Variants in HABP2 observed in about 807,000 individuals in gnomAD.
HABP2 encodes hyaluronan binding protein 2, also known as factor VII-activating protease.
A neutral mutation model predicts 66.5 loss-of-function variants in HABP2; 65 were observed. The observed-to-expected ratio is 0.98, with a 90% confidence interval of 0.80 to 1.20. The LOEUF is 1.20. HABP2 is among the 50% of genes most tolerant of loss of function. HABP2 has a pLI of 0.00. For missense variants in HABP2, 786 were observed against 691.0 expected, an observed-to-expected ratio of 1.14 and a Z score of -1.54; for synonymous variants, 263 against 253.9, an observed-to-expected ratio of 1.04 and a Z score of -0.34.
intron 2 of HABP2, chr10:113,572,757 T>G (rs1361094161): frequency 4.5e-6 from 2 of 447,956 alleles, no homozygotes; most frequent in Admixed American, 4.9e-5. Flanking sequence ...AGCATTTTCA[T>G]AGTGGGGAAA....
At position 113,567,313 on chromosome 10, in the gene HABP2, G is replaced by C. The variant is rs528406696; in HGVS notation, c.70-176G>C. 3.3e-5 allele frequency among the ~76,000 whole-genome samples: 5 copies of C among 152,184 alleles called. No individual in the cohort carries two copies. The South Asian group carries it at 1.0e-3, about 32-fold the overall frequency. On this transcript the variant is annotated intron_variant, in intron 1 of 12. Transcript: ENST00000351270. ...GCGCACAGGTGGTGGTGGTGGAGGG[G>C]GTGTATCTTCAAATAGACCCCATTG... is the stretch of plus-strand genomic sequence containing the variant.
rs769768523 is a variant in HABP2, at chr10:113,582,114, T to C, written c.1077T>C (p.Thr359=). Residue 359 remains threonine, a synonymous_variant, in exon 9 of 13, where the codon ACT becomes ACC. Coordinates refer to ENST00000351270, the MANE Select transcript of HABP2 (RefSeq NM_004132.5). The part of the protein sequence containing the change: ...GALIHPCWVL[T]AAHCTDIKTR... ...TGATCCACCCCTGCTGGGTGCTCAC[T>C]GCTGCCCACTGCACCGAGTAGGTGC... 2.5e-6 allele frequency: 4 copies of C among 1,607,128 alleles called. No homozygotes were observed. The highest frequency in any genetic ancestry group is 1.3e-5 in the African/African-American group (1 of 75,058).
intron 1 of HABP2, among the ~76,000 whole-genome samples, chr10:113,562,898 T>A (rs530905294): frequency 2.5e-4 from 38 of 152,322 alleles, no homozygotes; most frequent in African/African-American, 8.4e-4. Context: ...TCCTGGTCCC[T>A]CACAATGGTG....
intron 7 of HABP2, among the ~76,000 whole-genome samples, chr10:113,580,158 C>G (rs1420304427): frequency 7.1e-6 from 1 of 141,698 alleles, no homozygotes; most frequent in Non-Finnish European, 1.5e-5. Flanking sequence ...GTGGAGCTGT[C>G]TTCGGGGGCG....
intron 2 of HABP2, chr10:113,572,730 AG>A: frequency 2.2e-6 from 1 of 453,678 alleles, no homozygotes; most frequent in South Asian, 1.6e-5. Flanking sequence ...AGCCCTAAAA[AG>A]GTGGCCTCCC....
chr10:113,585,862 A>C lies in HABP2; in HGVS notation c.1442A>C (p.Gln481Pro), dbSNP rs772105947. The change falls in exon 12 of 13, where the codon CAA becomes CCA. Residue 481 changes from glutamine to proline, a missense_variant. Transcript: ENST00000351270. ...LIANTLCNSR[Q>P]LYDHMIDDSM... ...GCCAACACTTTGTGCAACTCCCGCC[A>C]ACTCTATGACCACATGATTGATGAC... 1 of 1,613,758 alleles carries C rather than the reference A, an allele frequency of 6.2e-7. No homozygotes were observed. The highest frequency in any genetic ancestry group is 1.1e-5 in the South Asian group (1 of 91,078).
rs374057464 is a variant in HABP2, at chr10:113,589,544, C to T, written c.*1175C>T. 1.2e-5 allele frequency: 14 copies of T among 1,205,494 alleles called. No homozygotes were observed. Among genetic ancestry groups the T allele is most frequent in the Non-Finnish European group, 1.6e-5 (14 of 862,886 alleles). 74.7% of individuals were successfully genotyped at this position (1,205,494 alleles called of 1,614,324 possible). ...GAAATTAGGCGCCTTGTTTGAGCTGCGTTTCACACTTCTTTAGAGCTAGCT... is the reference window on the plus strand; with the variant it reads ...GAAATTAGGCGCCTTGTTTGAGCTGTGTTTCACACTTCTTTAGAGCTAGCT... On this transcript the variant is annotated 3_prime_UTR_variant, in exon 13 of 13. Coordinates refer to ENST00000351270, the MANE Select transcript of HABP2 (RefSeq NM_004132.5).
At chr10:113,556,858 T>G (rs1158686524) in intron 1 of HABP2, among the ~76,000 whole-genome samples, 7 of 144,968 alleles carry the variant, frequency 4.8e-5, no homozygotes, top group African/African-American at 1.8e-4. Flanking sequence ...TGCACAAAGC[T>G]GGTGTTGAAC....
At chr10:113,585,497 G>C (rs1294213192) in intron 11 of HABP2, among the ~76,000 whole-genome samples, 1 of 152,136 alleles carries the variant, frequency 6.6e-6, no homozygotes, top group Non-Finnish European at 1.5e-5. Context: ...GTTAGGCCTT[G>C]GGAATTTTAA....
intron 3 of HABP2, among the ~76,000 whole-genome samples, chr10:113,575,016 C>T (rs1233260722): frequency 1.2e-5 from 1 of 85,984 alleles, no homozygotes; most frequent in Non-Finnish European, 2.3e-5. Flanking sequence ...GGCTTCTTAA[C>T]CCAAGCAGTG....
In HABP2 at chr10:113,589,117, TCCCCCA is replaced by T. The variant is rs746697391; in HGVS notation, c.*756_*761del. The T allele has an allele frequency of 8.3e-6, 13 of 1,562,690 alleles. No homozygotes were observed. The highest frequency in any genetic ancestry group is 1.1e-5 in the Non-Finnish European group (13 of 1,136,668). ...AACATACCCCAAGTTAAAATGAAGCTCCCCCACCCCCACTCCCGGCCCCGGTTCCCA... is the reference window on the plus strand; with the variant it reads ...AACATACCCCAAGTTAAAATGAAGCTCCCCCACTCCCGGCCCCGGTTCCCA... On this transcript the variant is annotated 3_prime_UTR_variant, in exon 13 of 13. Transcript: ENST00000351270.
chr10:113,564,713 A>T (rs1329381140), intron 1 of HABP2, among the ~76,000 whole-genome samples: 1 of 152,244 alleles, frequency 6.6e-6, no homozygotes, highest in African/African-American at 2.4e-5. Flanking sequence ...ATCCAGATAG[A>T]TGCCACAATT....
chr10:113,582,543 C>T lies in HABP2; in HGVS notation c.1094+412C>T, dbSNP rs550510030. 1.8e-4 allele frequency among the ~76,000 whole-genome samples: 28 copies of T among 152,152 alleles called. No homozygotes were observed. In the South Asian group the frequency reaches 5.4e-3, roughly 29 times the overall value. ...ATCCCGGGATTCTTCCTTTACCTTG[C>T]CTGAAGTTGTATGGAAAGTTAAGTG... On this transcript the variant is annotated intron_variant, in intron 9 of 12. Transcript: ENST00000351270.
Position 113,584,111 on chromosome 10 carries a change from GA to G in HABP2, c.1238-36del, listed in dbSNP as rs1406654101. ...GCTGGTGCTTCTCTGACAAAGAGGTGACATCGCATCCATTTTCTACCTCTCT... is the reference window on the plus strand; with the variant it reads ...GCTGGTGCTTCTCTGACAAAGAGGTGCATCGCATCCATTTTCTACCTCTCT... On this transcript the variant is annotated intron_variant, in intron 10 of 12. Coordinates refer to ENST00000351270, the MANE Select transcript of HABP2 (RefSeq NM_004132.5). 20 of 1,603,430 alleles carry G rather than the reference GA, an allele frequency of 1.2e-5. No homozygotes were observed. The African/African-American group carries it at 2.7e-4, about 21-fold the overall frequency.
intron 5 of HABP2, 114 bp from the exon 6 acceptor site, chr10:113,577,912 T>C: frequency 8.2e-7 from 1 of 1,222,308 alleles, no homozygotes; most frequent in Non-Finnish European, 1.2e-6. Context: ...TGGTGACCCA[T>C]CTTTCGCGAA....
intron 7 of HABP2, 102 bp from the exon 8 acceptor site, chr10:113,580,493 G>A: frequency 2.9e-6 from 2 of 700,668 alleles, no homozygotes; most frequent in Middle Eastern, 2.5e-4. Context: ...GTGGTCCCAG[G>A]GGGAGCACAA....
intron 1 of HABP2, among the ~76,000 whole-genome samples, chr10:113,558,725 G>C (rs562327891): frequency 3.9e-5 from 6 of 152,166 alleles, no homozygotes; most frequent in African/African-American, 1.2e-4. Flanking sequence ...GATGCCTAGC[G>C]GGGGAGTTAC....
At chr10:113,579,731 A>C (rs1176748710) in intron 7 of HABP2, among the ~76,000 whole-genome samples, 1 of 149,578 alleles carries the variant, frequency 6.7e-6, no homozygotes, top group Non-Finnish European at 1.5e-5. Context: ...ATGGCTTTGA[A>C]CTGGCTTCAT....
chr10:113,588,147 G>T lies in HABP2; in HGVS notation c.1519-58G>T, dbSNP rs552743229. 4 of 1,409,048 alleles carry T rather than the reference G, an allele frequency of 2.8e-6. No homozygotes were observed. In the Admixed American group the frequency reaches 8.2e-5, roughly 29 times the overall value. 87.3% of individuals were successfully genotyped at this position (1,409,048 alleles called of 1,614,324 possible). A position where few individuals can be genotyped will look rare whatever the true frequency, so the allele number is the denominator to read the frequency against. ...CCTGACACCCCCTGGAGAGAGGTGG[G>T]GGCATCTCCAGATGTCTCTGGTTCA... On this transcript the variant is annotated intron_variant, in intron 12 of 12. Transcript: ENST00000351270.
Sources: gnomAD v4.1 joint callset for allele counts (sites outside exome capture counted in the v4.1 genomes callset) on GRCh38, gnomAD v4.1.1 for gene constraint, MANE v1.5 for transcripts, NCBI Gene and HGNC (gene_info 2026-07-23, HGNC 2026-07-21) for gene names.